The following SH3D19 variants were observed in gnomAD, a reference collection of about 807,000 sequenced individuals.
SH3D19 encodes SH3 domain containing 19, also known as SH3 domain-containing protein 19.
A neutral mutation model predicts 112.1 loss-of-function variants in SH3D19; 58 were observed. The ratio of observed to expected loss-of-function variants is 0.52; its 90% confidence interval spans 0.42 to 0.64. SH3D19 has a LOEUF of 0.64. Among genes scored for constraint, SH3D19 ranks in the 30% least tolerant of loss-of-function variants. The pLI, the probability that SH3D19 is intolerant of heterozygous loss-of-function variation, is 0.00. For synonymous variants in SH3D19, 391 were observed against 448.5 expected (o/e 0.87, Z 1.62); for missense variants, 1,090 against 1,263.4 (o/e 0.86, Z 2.08).
At chr4:151,300,327 A>C (rs974790047) in intron 1 of SH3D19, among the ~76,000 whole-genome samples, 19 of 152,066 alleles carry the variant, frequency 1.2e-4, no homozygotes, top group African/African-American at 4.6e-4. Flanking sequence ...GCTTTGCACA[A>C]TTTTTTTTAA....
intron 1 of SH3D19, among the ~76,000 whole-genome samples, chr4:151,230,656 A>G (rs1769539497): frequency 6.6e-6 from 1 of 151,096 alleles, no homozygotes. Flanking sequence ...GCTGGAGTGC[A>G]ATCTCGGCTC....
intron 1 of SH3D19, among the ~76,000 whole-genome samples, chr4:151,293,519 C>T (rs1775501520): frequency 6.6e-6 from 1 of 152,190 alleles, no homozygotes; most frequent in Non-Finnish European, 1.5e-5. Context: ...AAAATTCTTG[C>T]TAACCCTTAT....
intron 1 of SH3D19, among the ~76,000 whole-genome samples, chr4:151,299,598 A>AT (rs1728148146): frequency 6.7e-6 from 1 of 148,998 alleles, no homozygotes; most frequent in Admixed American, 6.7e-5. Context: ...AAAAAAAAAA[A>AT]AAATTAAAAT....
intron 1 of SH3D19, among the ~76,000 whole-genome samples, chr4:151,236,218 G>C: frequency 6.6e-6 from 1 of 152,276 alleles, no homozygotes; most frequent in Non-Finnish European, 1.5e-5. Flanking sequence ...GCCAGAGCCG[G>C]CTCCCTCAGC....
intron 1 of SH3D19, among the ~76,000 whole-genome samples, chr4:151,260,529 C>G (rs1418408588): frequency 6.6e-6 from 1 of 152,188 alleles, no homozygotes; most frequent in Non-Finnish European, 1.5e-5. Flanking sequence ...TACTTTGACT[C>G]TAACATAGCT....
chr4:151,203,604 T>C (rs990469655), intron 2 of SH3D19, among the ~76,000 whole-genome samples: 5 of 152,242 alleles, frequency 3.3e-5, no homozygotes, highest in Non-Finnish European at 7.3e-5. Flanking sequence ...ATTTGTGCTC[T>C]AGATAAAAGT....
At position 151,195,392 on chromosome 4, in the gene SH3D19, A is replaced by AAAG. The variant is rs1373720733; in HGVS notation, c.153-7930_153-7929insCTT. On this transcript the variant is annotated intron_variant, in intron 2 of 19. Transcript: ENST00000604030. ...GTCTCAAAAAAAAAAAAAAAAAAAAAAAAAAGAAAAAGAAAAAAAGAGTTA... is the reference window on the plus strand; with the variant it reads ...GTCTCAAAAAAAAAAAAAAAAAAAAAAAGAAAAAGAAAAAGAAAAAAAGAGTTA... Among the ~76,000 whole-genome samples the AAAG allele has an allele frequency of 1.7e-4, 24 of 139,914 alleles. 1 individual carries two copies. The highest frequency in any genetic ancestry group is 7.3e-4 in the African/African-American group (23 of 31,628). 91.8% of individuals were successfully genotyped at this position (139,914 alleles called of 152,430 possible).
intron 2 of SH3D19, among the ~76,000 whole-genome samples, chr4:151,220,444 T>C (rs1430222836): frequency 2.0e-5 from 3 of 152,178 alleles, no homozygotes; most frequent in African/African-American, 7.2e-5. Flanking sequence ...TGTAAAATAT[T>C]TCCTTGTAGT....
Position 151,155,148 on chromosome 4 carries a change from T to A in SH3D19, c.1755+4092A>T, listed in dbSNP as rs1017740595. Among the ~76,000 whole-genome samples the A allele has an allele frequency of 3.9e-5, 6 of 152,340 alleles. No individual in the cohort carries two copies. The East Asian group carries it at 1.2e-3, about 29-fold the overall frequency. On this transcript the variant is annotated intron_variant, in intron 9 of 19. Transcript: ENST00000604030. ...GGACATTAACAAATGATGTTTTACTTACTCATCACCCTCTCACTCCTTTTT... is the reference window on the plus strand; with the variant it reads ...GGACATTAACAAATGATGTTTTACTAACTCATCACCCTCTCACTCCTTTTT...
chr4:151,241,381 G>A (rs1770543449), intron 1 of SH3D19, among the ~76,000 whole-genome samples: 1 of 151,912 alleles, frequency 6.6e-6, no homozygotes, highest in Admixed American at 6.6e-5. Context: ...GAAATGTCTA[G>A]AATAAATAGG....
At chr4:151,283,525 TTTTTA>T (rs929891824) in intron 1 of SH3D19, among the ~76,000 whole-genome samples, 23 of 150,312 alleles carry the variant, frequency 1.5e-4, no homozygotes, top group African/African-American at 5.6e-4. Flanking sequence ...TTTTTTTTTT[TTTTTA>T]AATTAGAGAC....
At chr4:151,178,750 T>C (rs1339602059) in intron 4 of SH3D19, among the ~76,000 whole-genome samples, 1 of 152,172 alleles carries the variant, frequency 6.6e-6, no homozygotes, top group East Asian at 1.9e-4. Context: ...GACCATGACT[T>C]ATGAAAACCT....
chr4:151,160,684 CTT>C (rs35888994), intron 8 of SH3D19, among the ~76,000 whole-genome samples: 1 of 145,456 alleles, frequency 6.9e-6, no homozygotes, highest in African/African-American at 2.5e-5. Context: ...CTTTCTCTCT[CTT>C]TTTTTTTTTT....
intron 1 of SH3D19, among the ~76,000 whole-genome samples, chr4:151,233,244 T>C (rs1769753999): frequency 6.6e-6 from 1 of 151,784 alleles, no homozygotes; most frequent in South Asian, 2.1e-4. Flanking sequence ...AATTATTATA[T>C]ATTATAATGT....
At chr4:151,227,857 C>G (rs1769245941) in intron 1 of SH3D19, 1 of 985,260 alleles carries the variant, frequency 1.0e-6, no homozygotes, top group Non-Finnish European at 1.2e-6. Flanking sequence ...TAGCAAATTT[C>G]CCCACTAATC....
chr4:151,267,542 T>A (rs1286098148), intron 1 of SH3D19, among the ~76,000 whole-genome samples: 1 of 152,158 alleles, frequency 6.6e-6, no homozygotes, highest in Non-Finnish European at 1.5e-5. Context: ...AAAACAGACT[T>A]GAGAAAATTA....
At chr4:151,323,870 T>G (rs938879409) in intron 1 of SH3D19, among the ~76,000 whole-genome samples, 1 of 152,230 alleles carries the variant, frequency 6.6e-6, no homozygotes, top group Non-Finnish European at 1.5e-5. Context: ...CAGTCTCTTG[T>G]GAGAATGAAG....
At chr4:151,253,585 C>CA (rs2149979853) in intron 1 of SH3D19, among the ~76,000 whole-genome samples, 1 of 152,092 alleles carries the variant, frequency 6.6e-6, no homozygotes, top group Admixed American at 6.5e-5. Context: ...ACTAAAAATA[C>CA]AAAAAATTAG....
intron 19 of SH3D19, among the ~76,000 whole-genome samples, chr4:151,124,961 T>A (rs546996806): frequency 1.3e-5 from 2 of 152,220 alleles, no homozygotes; most frequent in African/African-American, 4.8e-5. Context: ...TCCAAGAAGT[T>A]TGAATTCAGA....
Sources: gnomAD v4.1 joint callset for allele counts (sites outside exome capture counted in the v4.1 genomes callset) on GRCh38, gnomAD v4.1.1 for gene constraint, MANE v1.5 for transcripts, NCBI Gene and HGNC (gene_info 2026-07-23, HGNC 2026-07-21) for gene names.